The following DOK6 variants were observed in gnomAD, a reference collection of about 807,000 sequenced individuals.
The protein encoded by DOK6 is downstream of tyrosine kinase 6.
DOK6 carries 22 observed loss-of-function variants against 44.0 expected under a neutral mutation model. The ratio of observed to expected loss-of-function variants is 0.50; its 90% CI spans 0.36 to 0.71. DOK6 has a LOEUF of 0.71. DOK6 is among the 30% of genes least tolerant of loss of function. DOK6 has a pLI of 0.00. For missense variants in DOK6, 340 were observed against 416.4 expected, an observed-to-expected ratio of 0.82 and a Z score of 1.60; for synonymous variants, 166 against 145.5, an observed-to-expected ratio of 1.14 and a Z score of -1.01.
chr18:69,566,044 T>G (rs1435467948), intron 2 of DOK6, among the ~76,000 whole-genome samples: 1 of 152,234 alleles, frequency 6.6e-6, no homozygotes, highest in African/African-American at 2.4e-5. Flanking sequence ...TTTGGATGCC[T>G]GGTCAGAGTT....
At chr18:69,717,005 T>C (rs112542344) in intron 5 of DOK6, among the ~76,000 whole-genome samples, 143 of 152,314 alleles carry the variant, frequency 9.4e-4, no homozygotes, top group African/African-American at 3.4e-3. Context: ...ATTTCACATA[T>C]AGGAGTTTAT....
At chr18:69,574,091 A>G (rs1397831142) in intron 2 of DOK6, among the ~76,000 whole-genome samples, 2 of 152,038 alleles carry the variant, frequency 1.3e-5, no homozygotes, top group Admixed American at 6.6e-5. Context: ...AGCCCAATTC[A>G]TATATGATGA....
chr18:69,693,931 C>T (rs34790494), intron 4 of DOK6, among the ~76,000 whole-genome samples: 13,549 of 151,270 alleles, frequency 0.09, 847 homozygotes, highest in African/African-American at 0.19. Context: ...TGGTGGCGGG[C>T]GCCTGTAGTC....
At chr18:69,520,001 C>T (rs1306753456) in intron 1 of DOK6, among the ~76,000 whole-genome samples, 3 of 151,608 alleles carry the variant, frequency 2.0e-5, no homozygotes, top group Admixed American at 1.3e-4. Context: ...GTATCTGAGG[C>T]ACTGTTAGCC....
intron 7 of DOK6, among the ~76,000 whole-genome samples, chr18:69,807,556 CA>C (rs1981089887): frequency 6.6e-6 from 1 of 151,832 alleles, no homozygotes; most frequent in Non-Finnish European, 1.5e-5. Context: ...AGACTCACTT[CA>C]TTTTTAAGGA....
At chr18:69,476,762 A>G (rs976395317) in intron 1 of DOK6, among the ~76,000 whole-genome samples, 1 of 152,160 alleles carries the variant, frequency 6.6e-6, no homozygotes, top group Middle Eastern at 3.2e-3. Context: ...GCGTGAGAGA[A>G]TAAGCAGCAC....
intron 1 of DOK6, among the ~76,000 whole-genome samples, chr18:69,536,264 T>TA (rs1399865918): frequency 6.6e-6 from 1 of 152,144 alleles, no homozygotes; most frequent in Non-Finnish European, 1.5e-5. Flanking sequence ...GAATCTGTGG[T>TA]AAAAATGACT....
chr18:69,775,024 A>G, intron 7 of DOK6, among the ~76,000 whole-genome samples: 1 of 152,022 alleles, frequency 6.6e-6, no homozygotes, highest in South Asian at 2.1e-4. Flanking sequence ...ATATCTCAAT[A>G]GCAACGAGAT....
intron 2 of DOK6, among the ~76,000 whole-genome samples, chr18:69,595,094 G>A (rs1289408771): frequency 6.6e-6 from 1 of 152,132 alleles, no homozygotes; most frequent in African/African-American, 2.4e-5. Flanking sequence ...GCAAAACACT[G>A]ATGAAAGAAT....
intron 3 of DOK6, among the ~76,000 whole-genome samples, chr18:69,664,640 A>G (rs1985610900): frequency 6.6e-6 from 1 of 152,110 alleles, no homozygotes; most frequent in Non-Finnish European, 1.5e-5. Context: ...AAGCAATATC[A>G]CCCTGTAGGC....
intron 1 of DOK6, among the ~76,000 whole-genome samples, chr18:69,487,776 C>T (rs1980625115): frequency 6.6e-6 from 1 of 152,098 alleles, no homozygotes; most frequent in African/African-American, 2.4e-5. Flanking sequence ...AGATCTCTGC[C>T]CTGCCTGACA....
intron 1 of DOK6, among the ~76,000 whole-genome samples, chr18:69,409,513 A>T (rs1405514511): frequency 2.0e-5 from 3 of 152,216 alleles, no homozygotes; most frequent in Non-Finnish European, 4.4e-5. Flanking sequence ...ATTACTACCC[A>T]TACACATGGA....
intron 7 of DOK6, among the ~76,000 whole-genome samples, chr18:69,837,570 C>CA (rs74175394): frequency 0.039 from 5,360 of 136,276 alleles, 164 homozygotes; most frequent in African/African-American, 0.061. Flanking sequence ...AGGTGTTCAG[C>CA]AAAAAAAAAA....
chr18:69,513,132 A>C (rs149873028), intron 1 of DOK6, among the ~76,000 whole-genome samples: 83 of 152,354 alleles, frequency 5.4e-4, no homozygotes, highest in African/African-American at 2.0e-3. Context: ...CACTAAATGT[A>C]ATGCATGTTA....
At chr18:69,633,294 A>G (rs1984730211) in intron 3 of DOK6, among the ~76,000 whole-genome samples, 3 of 152,226 alleles carry the variant, frequency 2.0e-5, no homozygotes, top group African/African-American at 7.2e-5. Flanking sequence ...TTTACAAATG[A>G]GAAAATCATG....
chr18:69,728,893 A>T (rs986349510), intron 5 of DOK6, among the ~76,000 whole-genome samples: 3 of 152,202 alleles, frequency 2.0e-5, no homozygotes, highest in Non-Finnish European at 4.4e-5. Flanking sequence ...ATTTTTATTT[A>T]ATCTTTGATC....
At chr18:69,564,258 T>TA (rs1982915961) in intron 1 of DOK6, among the ~76,000 whole-genome samples, 1 of 152,212 alleles carries the variant, frequency 6.6e-6, no homozygotes, top group Non-Finnish European at 1.5e-5. Flanking sequence ...TAAAGACTAC[T>TA]AAAATCAGCC....
chr18:69,677,871 T>C lies in DOK6; in HGVS notation c.409+18T>C, dbSNP rs1985960223. 6.2e-7 allele frequency: 1 copy of C among 1,610,740 alleles called. No individual in the cohort carries two copies. The highest frequency in any genetic ancestry group is 8.5e-7 in the Non-Finnish European group (1 of 1,178,164). ...ACAGAATGGTAGGTGTGAGATTGCC[T>C]TCCATCACTTCAGAATACCCTTGTA... On this transcript the variant is annotated intron_variant, in intron 4 of 7. Transcript: ENST00000382713.
intron 1 of DOK6, among the ~76,000 whole-genome samples, chr18:69,498,105 TAAAG>T (rs1335515214): frequency 6.6e-6 from 1 of 152,136 alleles, no homozygotes; most frequent in East Asian, 1.9e-4. Context: ...GTGTGACTCT[TAAAG>T]AAAGAATGTT....
Sources: allele counts gnomAD v4.1 joint callset (sites outside exome capture counted in the v4.1 genomes callset), GRCh38; gene constraint gnomAD v4.1.1; transcripts MANE v1.5; gene names NCBI Gene and HGNC (gene_info 2026-07-23, HGNC 2026-07-21).